MLLT3: variants seen among roughly 807,000 people sequenced by gnomAD.
The protein encoded by MLLT3 is protein AF-9.
Under a neutral mutation model 53.2 loss-of-function variants are expected in MLLT3, and 4 were observed. That is an observed-to-expected ratio of 0.08 (90% CI 0.04 to 0.17). The LOEUF (loss-of-function observed/expected upper bound fraction) is 0.17, where lower values mean the gene tolerates loss of function less well. Ranked by LOEUF, MLLT3 falls within the 10% of genes least tolerant of loss-of-function variation. The pLI is 1.00. For missense variants in MLLT3, 569 were observed against 684.0 expected (o/e 0.83, Z 1.87); for synonymous variants, 283 against 230.6 (o/e 1.23, Z -2.06).
At chr9:20,483,674 C>T (rs548860910) in intron 2 of MLLT3, among the ~76,000 whole-genome samples, 3 of 146,802 alleles carry the variant, frequency 2.0e-5, no homozygotes, top group Non-Finnish European at 3.0e-5. Context: ...GTTACACTAA[C>T]GAGATAACAC....
intron 4 of MLLT3, among the ~76,000 whole-genome samples, chr9:20,444,097 T>C (rs1823627198): frequency 6.6e-6 from 1 of 152,190 alleles, no homozygotes; most frequent in Non-Finnish European, 1.5e-5. Flanking sequence ...TCATCTATCT[T>C]ATAGTAATAG....
chr9:20,352,747 G>A (rs1821061904), intron 10 of MLLT3, among the ~76,000 whole-genome samples: 1 of 143,236 alleles, frequency 7.0e-6, no homozygotes. Context: ...AGCTGGGGTA[G>A]ATTAAGTACT....
rs377133488 is a variant in MLLT3 at position 20,454,164 on chromosome 9, A to G, written c.276+2540T>C. ...AAATGAATATATGTTTTACAGTCAT[A>G]ATGACTACCCAATGTGCCTTCATTA... is the stretch of plus-strand genomic sequence containing the variant. On this transcript the variant is annotated intron_variant, in intron 3 of 10. Coordinates refer to ENST00000380338, the MANE Select transcript of MLLT3 (RefSeq NM_004529.4). 1.3e-3 allele frequency among the ~76,000 whole-genome samples: 198 copies of G among 152,272 alleles called. 1 individual carries two copies. Among genetic ancestry groups the G allele is most frequent in the African/African-American group, 4.1e-3 (170 of 41,556 alleles).
rs1252619163 is a variant in MLLT3, at chr9:20,413,655, T to C, written c.1125+66A>G. On this transcript the variant is annotated intron_variant, in intron 5 of 10. Transcript: ENST00000380338. Reference sequence around the variant, plus strand: ...TTCATTTTCTTCCCTCATTCTTTATTACAAAGCTATCCAAAATAAAATCTG... The same window carrying C: ...TTCATTTTCTTCCCTCATTCTTTATCACAAAGCTATCCAAAATAAAATCTG... 2.2e-6 allele frequency: 3 copies of C among 1,367,708 alleles called. No homozygotes were observed. The African/African-American group carries it at 4.4e-5, about 20-fold the overall frequency. 84.7% of individuals were successfully genotyped at this position (1,367,708 alleles called of 1,614,324 possible). A position where few individuals can be genotyped will look rare whatever the true frequency, so the allele number is the denominator to read the frequency against.
intron 4 of MLLT3, among the ~76,000 whole-genome samples, chr9:20,447,002 T>C (rs562657186): frequency 5.9e-5 from 9 of 152,106 alleles, no homozygotes; most frequent in Non-Finnish European, 1.3e-4. Flanking sequence ...TTCAAATGCA[T>C]ATTCATAATT....
At chr9:20,455,927 C>CTTTT (rs780438955) in intron 3 of MLLT3, among the ~76,000 whole-genome samples, 5 of 116,872 alleles carry the variant, frequency 4.3e-5, no homozygotes, top group African/African-American at 9.9e-5. Context: ...CTGCTAAAAA[C>CTTTT]TTTTTTTTTT....
chr9:20,427,503 AG>A (rs1349651731), intron 4 of MLLT3, among the ~76,000 whole-genome samples: 1 of 152,082 alleles, frequency 6.6e-6, no homozygotes, highest in Non-Finnish European at 1.5e-5. Context: ...ATATCAAATT[AG>A]AGACCCAGAA....
chr9:20,518,300 C>T (rs548901687), intron 2 of MLLT3, among the ~76,000 whole-genome samples: 5 of 152,082 alleles, frequency 3.3e-5, no homozygotes, highest in African/African-American at 9.7e-5. Flanking sequence ...GAGCCAAGAT[C>T]GCGCCATTGC....
At chr9:20,613,822 A>C (rs1820757789) in intron 2 of MLLT3, among the ~76,000 whole-genome samples, 1 of 152,156 alleles carries the variant, frequency 6.6e-6, no homozygotes, top group Non-Finnish European at 1.5e-5. Flanking sequence ...TTTTGGAGGA[A>C]AGTTTGGTAA....
At chr9:20,526,110 C>A (rs1445958156) in intron 2 of MLLT3, among the ~76,000 whole-genome samples, 1 of 152,044 alleles carries the variant, frequency 6.6e-6, no homozygotes, top group Non-Finnish European at 1.5e-5. Context: ...CACGTAAAAC[C>A]AAAAGATGTG....
At chr9:20,375,473 C>A (rs573331437) in intron 5 of MLLT3, among the ~76,000 whole-genome samples, 1 of 152,246 alleles carries the variant, frequency 6.6e-6, no homozygotes, top group East Asian at 1.9e-4. Context: ...CCAAAGCAAA[C>A]CAGTGGTAAA....
In MLLT3 at chr9:20,413,870, G is replaced by C. The variant is rs770200342; in HGVS notation, c.976C>G (p.Gln326Glu). The part of the protein sequence containing the change: ...LILTCSADKK[Q>E]IKDKSHVKMG... ...TTGACATGAGATTTATCTTTTATCTGTTTTTTGTCAGCAGAACAAGTGAGT... is the reference window on the plus strand; with the variant it reads ...TTGACATGAGATTTATCTTTTATCTCTTTTTTGTCAGCAGAACAAGTGAGT... Residue 326 changes from glutamine (Q) to glutamate (E), a missense_variant, in exon 5 of 11, where the codon CAG (glutamine) becomes GAG (glutamate). Gln to Glu is a conservative substitution (Grantham distance 29, BLOSUM62 2). Around this residue, in one of 5 missense-constraint regions of MLLT3, gnomAD observed 437 missense variants for 376.5 expected, o/e 1.16. Transcript: ENST00000380338. The C allele has an allele frequency of 6.2e-7, 1 of 1,613,970 alleles. No individual in the cohort carries two copies. The highest frequency in any genetic ancestry group is 8.5e-7 in the Non-Finnish European group (1 of 1,179,968).
intron 5 of MLLT3, among the ~76,000 whole-genome samples, chr9:20,400,068 A>C (rs1325307062): frequency 1.3e-5 from 2 of 152,112 alleles, no homozygotes; most frequent in African/African-American, 4.8e-5. Flanking sequence ...ATAATCTTAC[A>C]TTATAGGCCT....
intron 2 of MLLT3, among the ~76,000 whole-genome samples, chr9:20,536,415 T>C (rs1818487530): frequency 6.6e-6 from 1 of 152,180 alleles, no homozygotes; most frequent in Non-Finnish European, 1.5e-5. Flanking sequence ...TTGATGGGTA[T>C]CATTTAGGCA....
At position 20,343,583 on chromosome 9, in the gene MLLT3, G is replaced by C. The variant is rs1402629070; in HGVS notation, c.*2860C>G. 1 of 229,604 alleles carries C rather than the reference G, an allele frequency of 4.4e-6. No homozygotes were observed. Among genetic ancestry groups the C allele is most frequent in the Non-Finnish European group, 8.6e-6 (1 of 115,816 alleles). The allele number at this position is 229,604 out of a possible 1,614,324, so 14.2% of individuals were successfully genotyped here. A position where few individuals can be genotyped will look rare whatever the true frequency, so the allele number is the denominator to read the frequency against. Reference sequence around the variant, plus strand: ...CCAGAGGCAAAAGCTAAGTTATAAGGGGGCAGAGGGGCAGGAGCTCTGTAC... The same window carrying C: ...CCAGAGGCAAAAGCTAAGTTATAAGCGGGCAGAGGGGCAGGAGCTCTGTAC... On this transcript the variant is annotated 3_prime_UTR_variant, in exon 11 of 11. Coordinates refer to ENST00000380338, the MANE Select transcript of MLLT3 (RefSeq NM_004529.4).
intron 2 of MLLT3, among the ~76,000 whole-genome samples, chr9:20,518,921 C>T (rs1245594614): frequency 1.3e-5 from 2 of 152,110 alleles, no homozygotes; most frequent in South Asian, 2.1e-4. Flanking sequence ...ATGTGGGATC[C>T]TGGTTTGGAT....
At chr9:20,450,690 C>T (rs528970933) in intron 3 of MLLT3, among the ~76,000 whole-genome samples, 33 of 152,298 alleles carry the variant, frequency 2.2e-4, no homozygotes, top group Middle Eastern at 3.4e-3. Context: ...ATTAATTCCT[C>T]TGAAAGTCTT....
intron 2 of MLLT3, among the ~76,000 whole-genome samples, chr9:20,501,412 T>G (rs558423947): frequency 1.2e-4 from 18 of 152,242 alleles, no homozygotes; most frequent in African/African-American, 4.1e-4. Context: ...TGATTATTAC[T>G]TACAATATCC....
chr9:20,565,172 T>C (rs1587074504), intron 2 of MLLT3, among the ~76,000 whole-genome samples: 1 of 151,956 alleles, frequency 6.6e-6, no homozygotes, highest in Non-Finnish European at 1.5e-5. Context: ...TCCCACCAAT[T>C]GGAGGAATAA....
Sources: gnomAD v4.1 joint callset for allele counts (sites outside exome capture counted in the v4.1 genomes callset) on GRCh38, gnomAD v4.1.1 for gene constraint, gnomAD v4.1.1 regional missense constraint, MANE v1.5 for transcripts, NCBI Gene and HGNC (gene_info 2026-07-23, HGNC 2026-07-21) for gene names.